DOCK8: variants seen among roughly 807,000 people sequenced by gnomAD.
DOCK8 encodes the protein dedicator of cytokinesis 8.
Under a neutral mutation model 245.6 loss-of-function variants are expected in DOCK8, and 141 were observed. The ratio of observed to expected loss-of-function variants is 0.57; its 90% CI spans 0.50 to 0.66. The LOEUF is 0.66. DOCK8 is among the 30% of genes least tolerant of loss of function. The probability of loss-of-function intolerance (pLI) is 0.00; values close to 1 mark genes in which losing one functional copy is unlikely to be tolerated. For synonymous variants in DOCK8, 1,168 were observed against 970.2 expected, an observed-to-expected ratio of 1.20 and a Z score of -3.79; for missense variants, 2,965 against 2,603.4, an observed-to-expected ratio of 1.14 and a Z score of -3.02.
chr9:257,058 C>T (rs919119836), intron 1 of DOCK8, among the ~76,000 whole-genome samples: 5 of 152,210 alleles, frequency 3.3e-5, no homozygotes, highest in Admixed American at 6.5e-5. Context: ...AAGTAAATAA[C>T]AGTCAACAAT....
intron 4 of DOCK8, among the ~76,000 whole-genome samples, chr9:291,698 T>A (rs2049046430): frequency 6.6e-6 from 1 of 151,898 alleles, no homozygotes; most frequent in Non-Finnish European, 1.5e-5. Flanking sequence ...ATTTTTTTCT[T>A]TGGAATTAAT....
At chr9:310,093 C>T (rs1208078235) in intron 5 of DOCK8, among the ~76,000 whole-genome samples, 1 of 151,792 alleles carries the variant, frequency 6.6e-6, no homozygotes, top group Non-Finnish European at 1.5e-5. Flanking sequence ...CATGGTGAAA[C>T]CCTGTCTCTA....
intron 4 of DOCK8, among the ~76,000 whole-genome samples, chr9:303,030 G>A (rs1366331994): frequency 6.6e-6 from 1 of 151,850 alleles, no homozygotes; most frequent in Non-Finnish European, 1.5e-5. Context: ...GTATGGTGGC[G>A]TGTACCTATA....
chr9:385,102 C>T (rs984571321), intron 22 of DOCK8, among the ~76,000 whole-genome samples: 2 of 152,154 alleles, frequency 1.3e-5, no homozygotes. Context: ...CTTAGTTTTC[C>T]AGAATTTTTT....
chr9:223,035 CT>C (rs914436549), intron 1 of DOCK8, among the ~76,000 whole-genome samples: 10 of 151,248 alleles, frequency 6.6e-5, no homozygotes, highest in Non-Finnish European at 8.9e-5. Context: ...CTCTTTCATA[CT>C]TTTTTTTTAA....
intron 29 of DOCK8, 37 bp from the exon 30 acceptor site, chr9:418,031 G>A (rs2056104551): frequency 6.2e-7 from 1 of 1,613,766 alleles, no homozygotes; most frequent in African/African-American, 1.3e-5. Context: ...GAAATGTCAT[G>A]TTTGACTTGA....
intron 4 of DOCK8, among the ~76,000 whole-genome samples, chr9:290,633 C>G (rs968356199): frequency 1.3e-5 from 2 of 152,222 alleles, no homozygotes; most frequent in Admixed American, 6.5e-5. Flanking sequence ...TGAGAAACAT[C>G]TATGCACATT....
intron 14 of DOCK8, among the ~76,000 whole-genome samples, chr9:364,049 T>C (rs1161876005): frequency 1.3e-5 from 2 of 152,198 alleles, no homozygotes; most frequent in African/African-American, 4.8e-5. Context: ...TCAAAGATGA[T>C]GAAGCTGAGC....
chr9:335,068 C>G (rs2051245576), intron 11 of DOCK8, among the ~76,000 whole-genome samples: 1 of 151,798 alleles, frequency 6.6e-6, no homozygotes, highest in Admixed American at 6.6e-5. Context: ...GGCAACAGAG[C>G]ATGACTTTGT....
intron 22 of DOCK8, among the ~76,000 whole-genome samples, chr9:384,788 C>A (rs552145816): frequency 6.6e-6 from 1 of 151,950 alleles, no homozygotes; most frequent in Admixed American, 6.6e-5. Context: ...TGGTGGCGGG[C>A]GCCTGTAATC....
intron 28 of DOCK8, among the ~76,000 whole-genome samples, chr9:412,181 T>C (rs1023188358): frequency 4.0e-5 from 6 of 151,872 alleles, no homozygotes; most frequent in Non-Finnish European, 5.9e-5. Context: ...AGTGGACAGA[T>C]CGCTTTGAGC....
intron 1 of DOCK8, among the ~76,000 whole-genome samples, chr9:246,090 G>A (rs891623296): frequency 4.6e-5 from 7 of 152,110 alleles, no homozygotes; most frequent in Middle Eastern, 3.4e-3. Context: ...GCATAGTGGC[G>A]TACCTGTAGT....
intron 1 of DOCK8, among the ~76,000 whole-genome samples, chr9:242,103 A>C (rs186853935): frequency 3.3e-5 from 5 of 152,320 alleles, no homozygotes; most frequent in Non-Finnish European, 7.3e-5. Flanking sequence ...CCTTAGACGA[A>C]TCATACATTT....
chr9:317,048 T>C lies in DOCK8; in HGVS notation c.747T>C (p.Asp249=), dbSNP rs767056141. The C allele has an allele frequency of 1.9e-6, 3 of 1,612,750 alleles. No homozygotes were observed. The highest frequency in any genetic ancestry group is 4.5e-5 in the East Asian group (2 of 44,878). Residue 249 remains aspartate (D), a synonymous_variant, in exon 7 of 48, where the codon GAT becomes GAC. Transcript: ENST00000432829. ...TACGATGTGATTAAAAATAGGAGGA[T>C]GCTGTGGAAATACGTCCAGTACCAG... ...FALYPSVDEE[D]AVEIRPVPEC... is the part of the protein sequence containing the mutation.
Position 433,770 on chromosome 9 carries a change from C to G in DOCK8, c.4786-105C>G, listed in dbSNP as rs887498648. On this transcript the variant is annotated intron_variant, in intron 37 of 47. Coordinates refer to ENST00000432829, the MANE Select transcript of DOCK8 (RefSeq NM_203447.4). ...CGCCATCCCTAGTCTCTGCTGCCCT[C>G]TGATCCAACCCTTCCCATGGCTTCC... 5.2e-6 allele frequency: 5 copies of G among 955,064 alleles called. No homozygotes were observed. The African/African-American group carries it at 8.0e-5, about 15-fold the overall frequency. 59.2% of individuals were successfully genotyped at this position (955,064 alleles called of 1,614,324 possible). A position where few individuals can be genotyped will look rare whatever the true frequency, so the allele number is the denominator to read the frequency against.
intron 26 of DOCK8, among the ~76,000 whole-genome samples, chr9:404,060 T>C (rs5028074): frequency 0.44 from 63,961 of 145,488 alleles, 16,661 homozygotes; most frequent in African/African-American, 0.72. Context: ...GAGGCATGTC[T>C]ATCACAAGGA....
rs111842279 is a variant in DOCK8 at position 311,984 on chromosome 9, G to A, written c.559G>A (p.Asp187Asn). The A allele has an allele frequency of 2.6e-5, 42 of 1,614,092 alleles. No individual in the cohort carries two copies. The highest frequency in any genetic ancestry group is 1.3e-4 in the South Asian group (12 of 91,076). Residue 187 changes from aspartate to asparagine, a missense_variant, in exon 6 of 48, where the codon GAC becomes AAC. This residue lies in a region of DOCK8 where 2,825 missense variants were observed against 2,453.5 expected (regional missense o/e 1.15). Transcript: ENST00000432829. ...CCCCCGCCACTTAAACGTGCTGTGC[G>A]ACGTGTCTGGGAAAGGCCCCGTCAC... The part of the protein sequence containing the change: ...AGPRHLNVLC[D>N]VSGKGPVTAC...
chr9:339,236 T>A (rs1394177141), intron 13 of DOCK8, 137 bp downstream of exon 13: 1 of 778,734 alleles, frequency 1.3e-6, no homozygotes. Flanking sequence ...GGGTTAAGAA[T>A]CTGAATTGTT....
chr9:372,072 C>T (rs2053310495), intron 17 of DOCK8, 113 bp from the exon 18 acceptor site: 2 of 914,216 alleles, frequency 2.2e-6, no homozygotes, highest in African/African-American at 3.3e-5. Flanking sequence ...AAAAAGAGTA[C>T]TGGTCAATAT....
Sources: allele counts gnomAD v4.1 joint callset (sites outside exome capture counted in the v4.1 genomes callset), GRCh38; gene constraint gnomAD v4.1.1; regional missense constraint gnomAD v4.1.1; transcripts MANE v1.5; gene names NCBI Gene and HGNC (gene_info 2026-07-23, HGNC 2026-07-21).